ITGA8: variants seen among roughly 807,000 people sequenced by gnomAD.
ITGA8 encodes the protein integrin subunit alpha 8, also known as integrin alpha-8.
ITGA8 carries 91 observed loss-of-function variants against 142.3 expected under a neutral mutation model. That is an observed-to-expected ratio of 0.64 (90% CI 0.54 to 0.76). ITGA8 has a LOEUF of 0.76. Ranked by LOEUF, ITGA8 falls within the 30% of genes least tolerant of loss-of-function variation. The pLI is 0.00. For missense variants in ITGA8, 1,406 were observed against 1,327.7 expected, an observed-to-expected ratio of 1.06 and a Z score of -0.92; for synonymous variants, 505 against 485.2, an observed-to-expected ratio of 1.04 and a Z score of -0.54.
intron 4 of ITGA8, among the ~76,000 whole-genome samples, chr10:15,680,422 T>G (rs1019788969): frequency 2.0e-5 from 3 of 151,972 alleles, no homozygotes; most frequent in African/African-American, 7.2e-5. Flanking sequence ...TTCCTTATTT[T>G]ACCGCTATAT....
At chr10:15,671,879 C>CAAAAAAAAAA (rs34588118) in intron 7 of ITGA8, among the ~76,000 whole-genome samples, 3 of 79,732 alleles carry the variant, frequency 3.8e-5, no homozygotes, top group African/African-American at 5.1e-5. Flanking sequence ...AGGAGCAAAG[C>CAAAAAAAAAA]AAAAAAAAAA....
chr10:15,695,238 C>G (rs1206373094), intron 2 of ITGA8, among the ~76,000 whole-genome samples: 3 of 152,094 alleles, frequency 2.0e-5, no homozygotes, highest in African/African-American at 7.2e-5. Context: ...GGGATTATAA[C>G]AGAGCAGAAT....
intron 25 of ITGA8, among the ~76,000 whole-genome samples, chr10:15,563,969 C>T (rs898516606): frequency 4.6e-5 from 7 of 152,082 alleles, no homozygotes; most frequent in African/African-American, 1.2e-4. Flanking sequence ...CTTTAACTTC[C>T]GGTGTGGTTT....
intron 27 of ITGA8, among the ~76,000 whole-genome samples, chr10:15,541,845 A>T (rs1270416149): frequency 6.6e-6 from 1 of 150,586 alleles, no homozygotes; most frequent in Middle Eastern, 3.4e-3. Flanking sequence ...TCAATATTTT[A>T]TTCACTTAGC....
At chr10:15,589,572 C>T (rs1832890025) in intron 22 of ITGA8, among the ~76,000 whole-genome samples, 2 of 152,098 alleles carry the variant, frequency 1.3e-5, no homozygotes, top group South Asian at 4.2e-4. Context: ...CAATATATGC[C>T]TGTAAGAGTT....
rs114984743 is a variant in ITGA8, at chr10:15,658,362, C to T, written c.948+637G>A. Among the ~76,000 whole-genome samples, 484 of 152,228 alleles carry T rather than the reference C, an allele frequency of 3.2e-3. 1 individual carries two copies. Among genetic ancestry groups the T allele is most frequent in the African/African-American group, 0.011 (442 of 41,520 alleles). ...GACTATTGAAAGATTCATGTTAATA[C>T]GAAACCACTTCCCATTGTTCTTAGA... On this transcript the variant is annotated intron_variant, in intron 10 of 29. Coordinates refer to ENST00000378076, the MANE Select transcript of ITGA8 (RefSeq NM_003638.3).
chr10:15,527,906 C>CTTTTTTTT lies in ITGA8; in HGVS notation c.2982+3136_2982+3143dup, dbSNP rs34758919. On this transcript the variant is annotated intron_variant, in intron 28 of 29. Transcript: ENST00000378076. Reference sequence around the variant, plus strand: ...TTAAAGCAATTCCCTTTCGGCTGGGCTTTTTTTTTTTTTTTTTTTTTTTTT... The same window carrying CTTTTTTTT: ...TTAAAGCAATTCCCTTTCGGCTGGGCTTTTTTTTTTTTTTTTTTTTTTTTTTTTTTTTT... Among the ~76,000 whole-genome samples, 21 of 78,058 alleles carry CTTTTTTTT rather than the reference C, an allele frequency of 2.7e-4. 9 individuals carry two copies. Among genetic ancestry groups the CTTTTTTTT allele is most frequent in the South Asian group, 9.2e-4 (2 of 2,174 alleles). 51.2% of individuals were successfully genotyped at this position (78,058 alleles called of 152,430 possible).
At chr10:15,678,700 CT>C (rs779539529) in intron 5 of ITGA8, 21 bp downstream of exon 5, 9 of 1,569,892 alleles carry the variant, frequency 5.7e-6, no homozygotes, top group Non-Finnish European at 7.0e-6. Flanking sequence ...ATATTAGGAA[CT>C]GCGAGACCAA....
chr10:15,575,074 C>T (rs1347614137), intron 24 of ITGA8, among the ~76,000 whole-genome samples: 1 of 152,128 alleles, frequency 6.6e-6, no homozygotes, highest in Admixed American at 6.6e-5. Context: ...CAGCATGAAC[C>T]TAGGCAGTAT....
intron 25 of ITGA8, among the ~76,000 whole-genome samples, chr10:15,561,284 ATAAGT>A (rs1833977070): frequency 1.3e-5 from 2 of 148,734 alleles, no homozygotes; most frequent in African/African-American, 2.5e-5. Context: ...ATGTGGAAAA[ATAAGT>A]TAATGCATAA....
chr10:15,622,261 A>G (rs1327240834), intron 13 of ITGA8, among the ~76,000 whole-genome samples: 1 of 152,122 alleles, frequency 6.6e-6, no homozygotes, highest in Non-Finnish European at 1.5e-5. Flanking sequence ...AAGCTAAGTC[A>G]CCTTCCTCCT....
At chr10:15,544,131 TA>T (rs150671479) in intron 27 of ITGA8, among the ~76,000 whole-genome samples, 8,372 of 152,000 alleles carry the variant, frequency 0.055, 743 homozygotes, top group African/African-American at 0.19. Flanking sequence ...ATAATCTCTA[TA>T]AAAAATAATT....
chr10:15,580,445 C>A (rs1176418023), intron 23 of ITGA8, among the ~76,000 whole-genome samples: 1 of 152,120 alleles, frequency 6.6e-6, no homozygotes, highest in Non-Finnish European at 1.5e-5. Context: ...CTAGCATTCA[C>A]CTGATACCCA....
chr10:15,539,877 C>T (rs1032666406), intron 27 of ITGA8, among the ~76,000 whole-genome samples: 6 of 152,060 alleles, frequency 3.9e-5, no homozygotes, highest in Admixed American at 2.6e-4. Context: ...AGGGTGGGGC[C>T]GGGTGGAGAT....
At chr10:15,597,115 G>T in intron 21 of ITGA8, 92 bp downstream of exon 21, 1 of 938,286 alleles carries the variant, frequency 1.1e-6, no homozygotes, top group Non-Finnish European at 1.8e-6. Context: ...GCTAGGTGCT[G>T]AGTTGCTGAG....
chr10:15,583,702 G>C (rs1025749083), intron 23 of ITGA8, among the ~76,000 whole-genome samples: 2 of 152,024 alleles, frequency 1.3e-5, no homozygotes, highest in African/African-American at 2.4e-5. Flanking sequence ...CCAGGGTCTC[G>C]GGGTGGGGAA....
chr10:15,526,949 T>G (rs1425423620), intron 28 of ITGA8, among the ~76,000 whole-genome samples: 1 of 152,248 alleles, frequency 6.6e-6, no homozygotes, highest in Non-Finnish European at 1.5e-5. Context: ...TGATATGTTT[T>G]TGTATATTTT....
chr10:15,634,629 G>C (rs188678760), intron 13 of ITGA8, among the ~76,000 whole-genome samples: 21 of 152,108 alleles, frequency 1.4e-4, no homozygotes, highest in Non-Finnish European at 4.4e-5. Flanking sequence ...ATACTTGCTG[G>C]GTATATGGAT....
Position 15,560,984 on chromosome 10 carries a change from A to G in ITGA8, c.2638-2782T>C, listed in dbSNP as rs146452097. ...AGCATAATGGGTACAATCGCAGCTC[A>G]TTACAGCAGAGTGATCCTCCTGCTT... On this transcript the variant is annotated intron_variant, in intron 25 of 29. Transcript: ENST00000378076. Among the ~76,000 whole-genome samples, 385 of 151,972 alleles carry G rather than the reference A, an allele frequency of 2.5e-3. 1 individual carries two copies. The highest frequency in any genetic ancestry group is 8.8e-3 in the African/African-American group (366 of 41,458).
Sources: allele counts gnomAD v4.1 joint callset (sites outside exome capture counted in the v4.1 genomes callset), GRCh38; gene constraint gnomAD v4.1.1; transcripts MANE v1.5; gene names NCBI Gene and HGNC (gene_info 2026-07-23, HGNC 2026-07-21).